Variants in GFRAL observed in about 807,000 individuals in gnomAD.
The protein encoded by GFRAL is GDNF family receptor alpha-like.
Under a neutral mutation model 45.4 loss-of-function variants are expected in GFRAL, and 36 were observed. The observed-to-expected ratio is 0.79, with a 90% CI of 0.61 to 1.05. GFRAL has a LOEUF of 1.05. GFRAL is among the 50% of genes least tolerant of loss of function. The probability of loss-of-function intolerance (pLI) is 0.00; values close to 1 mark genes in which losing one functional copy is unlikely to be tolerated. For synonymous variants in GFRAL, 166 were observed against 154.1 expected, an observed-to-expected ratio of 1.08 and a Z score of -0.57; for missense variants, 507 against 467.5, an observed-to-expected ratio of 1.08 and a Z score of -0.78.
At chr6:55,353,126 A>T (rs1001821857) in intron 5 of GFRAL, among the ~76,000 whole-genome samples, 27 of 151,948 alleles carry the variant, frequency 1.8e-4, no homozygotes, top group African/African-American at 6.3e-4. Flanking sequence ...TAAGAGAGTT[A>T]ATTGAGTGGG....
intron 1 of GFRAL, among the ~76,000 whole-genome samples, chr6:55,329,353 T>C (rs1437682496): frequency 1.3e-5 from 2 of 152,090 alleles, no homozygotes; most frequent in African/African-American, 4.8e-5. Flanking sequence ...TAAAACATAT[T>C]TGGGGAAGAC....
chr6:55,362,713 C>A (rs561174928), intron 6 of GFRAL, among the ~76,000 whole-genome samples: 1 of 151,938 alleles, frequency 6.6e-6, no homozygotes, highest in Non-Finnish European at 1.5e-5. Flanking sequence ...CTTAAGCTGA[C>A]AGAAATGTTC....
chr6:55,348,462 C>T (rs191468752), intron 3 of GFRAL, among the ~76,000 whole-genome samples: 26 of 152,170 alleles, frequency 1.7e-4, no homozygotes, highest in East Asian at 1.9e-4. Context: ...CGAAATACTA[C>T]GGGCTGGGTG....
At chr6:55,361,615 T>A (rs1000039854) in intron 6 of GFRAL, among the ~76,000 whole-genome samples, 4 of 152,000 alleles carry the variant, frequency 2.6e-5, no homozygotes, top group Admixed American at 6.6e-5. Flanking sequence ...TATACTTGAA[T>A]TAATAGGAAA....
At chr6:55,370,978 T>C (rs1768443075) in intron 6 of GFRAL, among the ~76,000 whole-genome samples, 1 of 152,198 alleles carries the variant, frequency 6.6e-6, no homozygotes, top group East Asian at 1.9e-4. Flanking sequence ...CATCCTCTGA[T>C]GCTGGGCCCT....
At position 55,333,819 on chromosome 6, in the gene GFRAL, C is replaced by T. The variant is rs754241581; in HGVS notation, c.191C>T (p.Ser64Leu). Reference sequence around the variant, plus strand: ...GACCCCTGCAAGATGAGGAATTCATCATACTGTAACCTGAGTATCCAGTAC... The same window carrying T: ...GACCCCTGCAAGATGAGGAATTCATTATACTGTAACCTGAGTATCCAGTAC... ...PGDPCKMRNS[S>L]YCNLSIQYLV... Residue 64 changes from serine (S) to leucine (L), a missense_variant, in exon 3 of 9, where the codon TCA (serine) becomes TTA (leucine). Physicochemically the swap from Ser to Leu is moderately radical, Grantham distance 145. Transcript: ENST00000340465. 1 of 1,603,782 alleles carries T rather than the reference C, an allele frequency of 6.2e-7. No individual in the cohort carries two copies. The highest frequency in any genetic ancestry group is 1.1e-5 in the South Asian group (1 of 89,386).
Position 55,402,312 on chromosome 6 carries a change from C to G in GFRAL, c.*459C>G, listed in dbSNP as rs1768910897. On this transcript the variant is annotated 3_prime_UTR_variant, in exon 9 of 9. Transcript: ENST00000340465. The stretch of plus-strand genomic sequence containing the variant: ...ACTTTCTTTAAAGCAAATCCTACAG[C>G]TGGTCAACACCCTATTCCATCTGTC... 6.5e-6 allele frequency: 1 copy of G among 152,708 alleles called. No homozygotes were observed. The highest frequency in any genetic ancestry group is 2.4e-5 in the African/African-American group (1 of 41,394). The allele number at this position is 152,708 out of a possible 1,614,324, so 9.5% of individuals were successfully genotyped here.
chr6:55,365,636 G>A (rs939537557), intron 6 of GFRAL, among the ~76,000 whole-genome samples: 48 of 126,896 alleles, frequency 3.8e-4, no homozygotes, highest in Admixed American at 8.0e-4. Context: ...TTTATTGAGA[G>A]TTTTTAGCAT....
Position 55,401,792 on chromosome 6 carries a change from C to T in GFRAL, c.1124C>T (p.Thr375Ile), listed in dbSNP as rs1471480946. ...ILLLVMVKLR[T>I]SRISSKARDP... ...ACTTTTACTTTTATTTTATACAGAA[C>T]TTCCAGAATATCAAGTAAAGCAAGA... Residue 375 changes from threonine (T) to isoleucine (I), a missense_variant and splice_region_variant, in exon 9 of 9, where the codon ACT (threonine) becomes ATT (isoleucine). Thr to Ile is a moderately conservative substitution (Grantham distance 89). Transcript: ENST00000340465. The T allele has an allele frequency of 1.3e-6, 2 of 1,492,916 alleles. No homozygotes were observed. Among genetic ancestry groups the T allele is most frequent in the African/African-American group, 1.4e-5 (1 of 72,980 alleles). 92.5% of individuals were successfully genotyped at this position (1,492,916 alleles called of 1,614,324 possible). A position where few individuals can be genotyped will look rare whatever the true frequency, so the allele number is the denominator to read the frequency against.
At chr6:55,377,861 A>T (rs1768555600) in intron 6 of GFRAL, among the ~76,000 whole-genome samples, 1 of 152,130 alleles carries the variant, frequency 6.6e-6, no homozygotes, top group Non-Finnish European at 1.5e-5. Context: ...GCAGTAGTTT[A>T]TCTGGGAGCA....
chr6:55,394,126 G>T (rs999088887), intron 6 of GFRAL, among the ~76,000 whole-genome samples: 2 of 152,076 alleles, frequency 1.3e-5, no homozygotes, highest in African/African-American at 4.8e-5. Flanking sequence ...TAATATAGAT[G>T]GGCCATTTCA....
chr6:55,371,909 A>G (rs556622563), intron 6 of GFRAL, among the ~76,000 whole-genome samples: 45 of 152,320 alleles, frequency 3.0e-4, no homozygotes, highest in Admixed American at 8.5e-4. Context: ...TTTCACAGAC[A>G]AATTTTCCAG....
chr6:55,374,873 A>G (rs966925260), intron 6 of GFRAL, among the ~76,000 whole-genome samples: 3 of 152,116 alleles, frequency 2.0e-5, no homozygotes, highest in African/African-American at 4.8e-5. Flanking sequence ...CATTTATTAA[A>G]TAGGGATTCC....
At chr6:55,375,615 C>T (rs947650405) in intron 6 of GFRAL, among the ~76,000 whole-genome samples, 4 of 152,056 alleles carry the variant, frequency 2.6e-5, no homozygotes, top group Admixed American at 2.6e-4. Flanking sequence ...ATTTCCTTCT[C>T]TTGCCCAATT....
chr6:55,350,868 G>T (rs951843823), intron 4 of GFRAL, among the ~76,000 whole-genome samples: 17 of 152,064 alleles, frequency 1.1e-4, no homozygotes, highest in Admixed American at 4.6e-4. Flanking sequence ...TCACAAAAAT[G>T]TGCAACAGAA....
At chr6:55,370,680 A>G (rs1427489334) in intron 6 of GFRAL, among the ~76,000 whole-genome samples, 3 of 152,200 alleles carry the variant, frequency 2.0e-5, no homozygotes, top group South Asian at 2.1e-4. Context: ...CAATAAACCA[A>G]TAAAATCACA....
intron 3 of GFRAL, among the ~76,000 whole-genome samples, chr6:55,343,808 A>C: frequency 6.6e-6 from 1 of 152,232 alleles, no homozygotes; most frequent in East Asian, 1.9e-4. Flanking sequence ...AAAAAAGAGA[A>C]GAATCAAATA....
In GFRAL at chr6:55,330,334, T is replaced by A. The variant is rs574589083; in HGVS notation, c.23-1381T>A. Among the ~76,000 whole-genome samples, 10 of 152,256 alleles carry A rather than the reference T, an allele frequency of 6.6e-5. 1 individual carries two copies. The South Asian group carries it at 2.1e-3, about 32-fold the overall frequency. On this transcript the variant is annotated intron_variant, in intron 1 of 8. Coordinates refer to ENST00000340465, the MANE Select transcript of GFRAL (RefSeq NM_207410.2). ...GTGACAAAAATACAGTTATAAATTA[T>A]CCTTAATGTCTGTGGGTAAAGCTGT...
intron 6 of GFRAL, among the ~76,000 whole-genome samples, chr6:55,382,293 T>G (rs1325694449): frequency 6.6e-6 from 1 of 151,956 alleles, no homozygotes; most frequent in Non-Finnish European, 1.5e-5. Context: ...ATTATTTGCA[T>G]TGTTTTGAAT....
Sources: allele counts gnomAD v4.1 joint callset (sites outside exome capture counted in the v4.1 genomes callset), GRCh38; gene constraint gnomAD v4.1.1; transcripts MANE v1.5; gene names NCBI Gene and HGNC (gene_info 2026-07-23, HGNC 2026-07-21).